The following TMEM108 variants were observed in gnomAD, a reference collection of about 807,000 sequenced individuals.
TMEM108 encodes cancer/testis antigen 124.
TMEM108 carries 12 observed loss-of-function variants against 35.1 expected under a neutral mutation model. The observed-to-expected ratio is 0.34, with a 90% CI of 0.22 to 0.55. The LOEUF (loss-of-function observed/expected upper bound fraction) is 0.55, where lower values mean the gene tolerates loss of function less well. Among genes scored for constraint, TMEM108 ranks in the 20% least tolerant of loss-of-function variants. The pLI, the probability that TMEM108 is intolerant of heterozygous loss-of-function variation, is 0.89. For synonymous variants in TMEM108, 287 were observed against 308.6 expected (o/e 0.93, Z 0.73); for missense variants, 680 against 753.3 (o/e 0.90, Z 1.14).
intron 4 of TMEM108, chr3:133,389,362 A>G (rs542749570): frequency 6.2e-5 from 61 of 985,496 alleles, no homozygotes; most frequent in East Asian, 1.1e-4. Flanking sequence ...TTTTGCATCA[A>G]TCTAAGGCAG....
intron 3 of TMEM108, among the ~76,000 whole-genome samples, chr3:133,235,367 A>G (rs1285334514): frequency 6.6e-6 from 1 of 152,210 alleles, no homozygotes; most frequent in African/African-American, 2.4e-5. Flanking sequence ...ACAAGGCTGC[A>G]GTAACCAAAA....
At chr3:133,243,552 G>T (rs958208576) in intron 3 of TMEM108, among the ~76,000 whole-genome samples, 22 of 151,488 alleles carry the variant, frequency 1.5e-4, no homozygotes, top group South Asian at 2.1e-4. Flanking sequence ...ACGGAGTCTC[G>T]TTCTGTCACC....
chr3:133,137,987 A>AATGG (rs1469361534), intron 2 of TMEM108, among the ~76,000 whole-genome samples: 1 of 152,220 alleles, frequency 6.6e-6, no homozygotes, highest in African/African-American at 2.4e-5. Context: ...TGAGAACATG[A>AATGG]ATGGATAGCC....
chr3:133,074,781 A>C lies in TMEM108; in HGVS notation c.-47+28761A>C, dbSNP rs530206139. On this transcript the variant is annotated intron_variant, in intron 2 of 5. Transcript: ENST00000321871. Reference sequence around the variant, plus strand: ...TGGGATTACAGGCGTGAGCCACTGCACCTGGCCACAAAGCCTATTTTATAA... The same window carrying C: ...TGGGATTACAGGCGTGAGCCACTGCCCCTGGCCACAAAGCCTATTTTATAA... 7.7e-4 allele frequency among the ~76,000 whole-genome samples: 117 copies of C among 152,254 alleles called. 1 individual carries two copies. Among genetic ancestry groups the C allele is most frequent in the South Asian group, 1.7e-3 (8 of 4,820 alleles).
intron 2 of TMEM108, among the ~76,000 whole-genome samples, chr3:133,159,357 A>G (rs987666120): frequency 6.6e-6 from 1 of 152,180 alleles, no homozygotes. Flanking sequence ...ACATTAATAC[A>G]TCTGTCATCT....
intron 3 of TMEM108, among the ~76,000 whole-genome samples, chr3:133,312,685 A>C: frequency 6.6e-6 from 1 of 152,200 alleles, no homozygotes; most frequent in East Asian, 1.9e-4. Flanking sequence ...TGTGCTTCCC[A>C]GGTGAGGCAA....
intron 2 of TMEM108, among the ~76,000 whole-genome samples, chr3:133,108,800 A>ACACAGGAAGGGGAACAT (rs1420494899): frequency 1.4e-5 from 2 of 140,632 alleles, no homozygotes; most frequent in African/African-American, 5.2e-5. Flanking sequence ...GAACACATGG[A>ACACAGGAAGGGGAACAT]CACAGGAAGG....
At chr3:133,251,506 T>G (rs919235378) in intron 3 of TMEM108, among the ~76,000 whole-genome samples, 12 of 152,156 alleles carry the variant, frequency 7.9e-5, no homozygotes, top group African/African-American at 2.9e-4. Context: ...TGTTTCCCAC[T>G]CATAGGAAAT....
intron 3 of TMEM108, among the ~76,000 whole-genome samples, chr3:133,349,651 A>T (rs1466842080): frequency 6.6e-6 from 1 of 152,150 alleles, no homozygotes. Context: ...ATTTCTCAAG[A>T]TAAACAAATG....
chr3:133,379,331 A>G (rs2072933908), intron 3 of TMEM108, among the ~76,000 whole-genome samples: 1 of 152,210 alleles, frequency 6.6e-6, no homozygotes, highest in Non-Finnish European at 1.5e-5. Flanking sequence ...CACAGAGTTC[A>G]CACAGGCTTC....
chr3:133,309,170 T>A (rs1429666774), intron 3 of TMEM108, among the ~76,000 whole-genome samples: 1 of 152,232 alleles, frequency 6.6e-6, no homozygotes, highest in Non-Finnish European at 1.5e-5. Flanking sequence ...TAGTATTCTC[T>A]GATGGTAGTT....
intron 4 of TMEM108, chr3:133,387,761 C>G (rs2073174353): frequency 9.1e-6 from 8 of 876,510 alleles, no homozygotes; most frequent in Non-Finnish European, 9.6e-6. Flanking sequence ...AGGAAGCTGA[C>G]GCTGAGAGAG....
intron 2 of TMEM108, among the ~76,000 whole-genome samples, chr3:133,118,008 A>G (rs986616580): frequency 6.6e-6 from 1 of 152,100 alleles, no homozygotes; most frequent in Non-Finnish European, 1.5e-5. Context: ...GAGGAATAGC[A>G]TGGCTTCTGA....
intron 3 of TMEM108, among the ~76,000 whole-genome samples, chr3:133,329,011 C>A (rs2071363267): frequency 1.3e-5 from 2 of 151,822 alleles, no homozygotes; most frequent in Non-Finnish European, 1.5e-5. Context: ...TGTCTTCACA[C>A]CCACCCCCAA....
At chr3:133,057,437 A>ATG (rs1348825143) in intron 2 of TMEM108, among the ~76,000 whole-genome samples, 4 of 4,520 alleles carry the variant, frequency 8.8e-4, no homozygotes, top group African/African-American at 1.3e-3. Context: ...GTGTGTGTGT[A>ATG]TATATATATA....
At chr3:133,226,245 G>GCAAAAGATT (rs915196271) in intron 2 of TMEM108, among the ~76,000 whole-genome samples, 1 of 152,156 alleles carries the variant, frequency 6.6e-6, no homozygotes, top group African/African-American at 2.4e-5. Context: ...GTAATAGATT[G>GCAAAAGATT]CAAATGTTTC....
At chr3:133,289,576 A>G (rs1356966886) in intron 3 of TMEM108, among the ~76,000 whole-genome samples, 1 of 152,228 alleles carries the variant, frequency 6.6e-6, no homozygotes, top group Non-Finnish European at 1.5e-5. Flanking sequence ...GAGGGCAAGC[A>G]CCATGTGAAA....
intron 2 of TMEM108, among the ~76,000 whole-genome samples, chr3:133,080,633 A>C (rs192359049): frequency 9.2e-5 from 14 of 152,198 alleles, no homozygotes; most frequent in Admixed American, 7.2e-4. Flanking sequence ...GGTTATTCAC[A>C]TGTGTGTTCA....
At chr3:133,038,459 C>T (rs961668049) in intron 1 of TMEM108, 24 bp downstream of exon 1, 1 of 152,368 alleles carries the variant, frequency 6.6e-6, no homozygotes, top group Middle Eastern at 3.2e-3. Context: ...CGGGGCGTCC[C>T]CCCAGTCCTT....
Sources: gnomAD v4.1 joint callset for allele counts (sites outside exome capture counted in the v4.1 genomes callset) on GRCh38, gnomAD v4.1.1 for gene constraint, MANE v1.5 for transcripts, NCBI Gene and HGNC (gene_info 2026-07-23, HGNC 2026-07-21) for gene names.